TSNARE1: variants seen among roughly 807,000 people sequenced by gnomAD.
TSNARE1 encodes the protein t-SNARE domain-containing protein 1.
A neutral mutation model predicts 62.0 loss-of-function variants in TSNARE1; 49 were observed. That is an observed-to-expected ratio of 0.79 (90% confidence interval 0.63 to 1.00). TSNARE1 has a LOEUF of 1.00. TSNARE1 is among the 50% of genes least tolerant of loss of function. The pLI is 0.00. For synonymous variants in TSNARE1, 328 were observed against 294.4 expected (o/e 1.11, Z -1.17); for missense variants, 755 against 700.1 (o/e 1.08, Z -0.88).
intron 12 of TSNARE1, among the ~76,000 whole-genome samples, chr8:142,247,105 G>A (rs1817919026): frequency 6.6e-6 from 1 of 152,226 alleles, no homozygotes; most frequent in Non-Finnish European, 1.5e-5. Flanking sequence ...TGTCAGCAGA[G>A]CCCTGAGCCT....
intron 1 of TSNARE1, among the ~76,000 whole-genome samples, chr8:142,399,280 C>A (rs1353978601): frequency 6.6e-6 from 1 of 152,216 alleles, no homozygotes; most frequent in African/African-American, 2.4e-5. Flanking sequence ...AGCACAGGCT[C>A]AAGATCAGCT....
chr8:142,309,202 A>T (rs1246101414), intron 9 of TSNARE1, among the ~76,000 whole-genome samples: 1 of 152,162 alleles, frequency 6.6e-6, no homozygotes, highest in African/African-American at 2.4e-5. Flanking sequence ...TTTTCCATGG[A>T]CATAATCACA....
rs1038735969 is a variant in TSNARE1 at position 142,276,954 on chromosome 8, G to A, written c.1364-2091C>T. 3.0e-6 allele frequency: 3 copies of A among 985,356 alleles called. No individual in the cohort carries two copies. The African/African-American group carries it at 5.2e-5, about 17-fold the overall frequency. 61.0% of individuals were successfully genotyped at this position (985,356 alleles called of 1,614,324 possible). A position where few individuals can be genotyped will look rare whatever the true frequency, so the allele number is the denominator to read the frequency against. On this transcript the variant is annotated intron_variant, in intron 11 of 13. Transcript: ENST00000524325. ...GGTGGGCACGCCATGTCCTGCCCCG[G>A]CGCAGTGCACAGAGATGCACAAGGG...
intron 1 of TSNARE1, among the ~76,000 whole-genome samples, chr8:142,378,822 G>A (rs1836523476): frequency 6.6e-6 from 1 of 152,186 alleles, no homozygotes; most frequent in Non-Finnish European, 1.5e-5. Flanking sequence ...GCTCCAACGG[G>A]CACGGGTGTG....
At chr8:142,259,359 A>G (rs879193743) in intron 12 of TSNARE1, among the ~76,000 whole-genome samples, 1 of 152,172 alleles carries the variant, frequency 6.6e-6, no homozygotes, top group Admixed American at 6.5e-5. Flanking sequence ...GAGCTTCTGT[A>G]GACAGGAAAG....
intron 1 of TSNARE1, among the ~76,000 whole-genome samples, chr8:142,363,048 C>G (rs1355275677): frequency 6.6e-6 from 1 of 152,198 alleles, no homozygotes; most frequent in East Asian, 1.9e-4. Flanking sequence ...CAGAAGCCCA[C>G]AGCCACCATG....
rs893369294 is a variant in TSNARE1 at position 142,330,949 on chromosome 8, A to C, written c.845T>G (p.Leu282Arg). 3.1e-6 allele frequency: 5 copies of C among 1,613,914 alleles called. No homozygotes were observed. The highest frequency in any genetic ancestry group is 4.2e-6 in the Non-Finnish European group (5 of 1,179,984). ...GTCACTCGGTGTCCCTAAGGACTGA[A>C]GGCTCCGCTCCAAGGAGGTCACTGC... ...NSSVTSLERSLQSLGTPSDTQ... is the reference protein window; with the variant it reads ...NSSVTSLERSRQSLGTPSDTQ... The change falls in exon 6 of 14, where the codon CTT (leucine) becomes CGT (arginine). Residue 282 changes from leucine (L) to arginine (R), a missense_variant. Transcript: ENST00000524325.
chr8:142,331,957 C>T, intron 4 of TSNARE1, 126 bp from the exon 5 acceptor site: 4 of 883,068 alleles, frequency 4.5e-6, no homozygotes, highest in Non-Finnish European at 7.2e-6. Flanking sequence ...GGCCCTGAAC[C>T]CCCTCACTGC....
chr8:142,271,300 A>C, intron 12 of TSNARE1: 12 of 1,093,892 alleles, frequency 1.1e-5, no homozygotes, highest in Non-Finnish European at 1.3e-5. Flanking sequence ...CATCGGCCAG[A>C]CGCTGGCTCT....
intron 3 of TSNARE1, among the ~76,000 whole-genome samples, chr8:142,344,712 C>G (rs1833119416): frequency 6.6e-6 from 1 of 152,244 alleles, no homozygotes; most frequent in African/African-American, 2.4e-5. Flanking sequence ...AGTGCCCCAT[C>G]TCCAAGACAG....
chr8:142,263,178 G>T (rs1187163401), intron 12 of TSNARE1, among the ~76,000 whole-genome samples: 1 of 152,198 alleles, frequency 6.6e-6, no homozygotes, highest in Non-Finnish European at 1.5e-5. Flanking sequence ...GGTCAGTTAA[G>T]AAAATTCTTG....
chr8:142,305,333 TA>T (rs1237118952), intron 9 of TSNARE1, among the ~76,000 whole-genome samples: 3 of 130,730 alleles, frequency 2.3e-5, no homozygotes, highest in Non-Finnish European at 4.8e-5. Context: ...CTCAGGAGGA[TA>T]GGGGAGGGCG....
intron 12 of TSNARE1, among the ~76,000 whole-genome samples, chr8:142,266,015 C>G (rs1214707732): frequency 6.6e-6 from 1 of 152,228 alleles, no homozygotes; most frequent in Non-Finnish European, 1.5e-5. Flanking sequence ...ACTGGCTTCT[C>G]TTTTCATTCC....
At chr8:142,221,725 T>C (rs1167148945) in intron 13 of TSNARE1, among the ~76,000 whole-genome samples, 4 of 30,678 alleles carry the variant, frequency 1.3e-4, no homozygotes, top group African/African-American at 1.9e-4. Context: ...ACTCACTCAT[T>C]CACTCACTCA....
chr8:142,342,678 T>A (rs1832738450), intron 4 of TSNARE1, among the ~76,000 whole-genome samples: 1 of 151,932 alleles, frequency 6.6e-6, no homozygotes, highest in East Asian at 1.9e-4. Context: ...CCAGCACCTG[T>A]CCCAGCACCT....
At chr8:142,327,020 G>A (rs1038864986) in intron 6 of TSNARE1, among the ~76,000 whole-genome samples, 1 of 152,168 alleles carries the variant, frequency 6.6e-6, no homozygotes, top group African/African-American at 2.4e-5. Context: ...TGCTGGCGGG[G>A]GTGTAAAATG....
chr8:142,313,547 CTGTTTACCTGCATGTGTCTGCGCATCTG>C, intron 9 of TSNARE1, among the ~76,000 whole-genome samples: 1 of 151,926 alleles, frequency 6.6e-6, no homozygotes, highest in South Asian at 2.1e-4. Context: ...GTCTGCATGT[CTGTTTACCTGCATGTGTCTGCGCATCTG>C]TGTTTATCTG....
At chr8:142,295,547 C>A (rs578002240) in intron 10 of TSNARE1, among the ~76,000 whole-genome samples, 2 of 152,224 alleles carry the variant, frequency 1.3e-5, no homozygotes, top group Admixed American at 6.5e-5. Flanking sequence ...GGCTGCCCTG[C>A]GGCCAGTGAA....
chr8:142,401,448 G>T lies in TSNARE1; in HGVS notation c.-40+1656C>A, dbSNP rs542234516. On this transcript the variant is annotated intron_variant, in intron 1 of 13. Coordinates refer to ENST00000524325, the MANE Select transcript of TSNARE1 (RefSeq NM_145003.5). ...CTGCACTGTCAGGGACATAAAGCAG[G>T]GACTGAAGATGTGGCAGGAGCTGCT... is the stretch of plus-strand genomic sequence containing the variant. Among the ~76,000 whole-genome samples, 11 of 152,252 alleles carry T rather than the reference G, an allele frequency of 7.2e-5. No individual in the cohort carries two copies. The East Asian group carries it at 2.1e-3, about 29-fold the overall frequency.
Sources: allele counts gnomAD v4.1 joint callset (sites outside exome capture counted in the v4.1 genomes callset), GRCh38; gene constraint gnomAD v4.1.1; transcripts MANE v1.5; gene names NCBI Gene and HGNC (gene_info 2026-07-23, HGNC 2026-07-21).